Variants in UBE2E2 observed in about 807,000 individuals in gnomAD.
UBE2E2 encodes ubiquitin-conjugating enzyme E2 E2.
Under a neutral mutation model 24.7 loss-of-function variants are expected in UBE2E2, and 6 were observed. That is an observed-to-expected ratio of 0.24 (90% CI 0.13 to 0.48). UBE2E2 has a LOEUF of 0.48. UBE2E2 is among the 20% of genes least tolerant of loss of function. The pLI is 0.99. For synonymous variants in UBE2E2, 104 were observed against 83.6 expected, an observed-to-expected ratio of 1.24 and a Z score of -1.33; for missense variants, 169 against 245.0, an observed-to-expected ratio of 0.69 and a Z score of 2.07.
intron 3 of UBE2E2, among the ~76,000 whole-genome samples, chr3:23,362,327 T>C (rs1314525414): frequency 6.6e-6 from 1 of 152,126 alleles, no homozygotes; most frequent in Non-Finnish European, 1.5e-5. Flanking sequence ...CCCCCTGCGC[T>C]TATAGGCTGA....
intron 3 of UBE2E2, among the ~76,000 whole-genome samples, chr3:23,377,021 A>T (rs563293880): frequency 6.6e-6 from 1 of 152,200 alleles, no homozygotes; most frequent in African/African-American, 2.4e-5. Context: ...TCACAGCAAC[A>T]TAACAGGATT....
chr3:23,294,491 T>A (rs998140741), intron 3 of UBE2E2, among the ~76,000 whole-genome samples: 12 of 151,878 alleles, frequency 7.9e-5, no homozygotes, highest in Non-Finnish European at 1.6e-4. Context: ...AAGACGTGGC[T>A]CATCTGTTTC....
Position 23,549,760 on chromosome 3 carries a change from C to T in UBE2E2, c.508+17059C>T, listed in dbSNP as rs183902408. Reference sequence around the variant, plus strand: ...CTAAAAAAGGAATTTCAACCGGGCGCGGTGGCTCACACCTGTAATCCCGGC... The same window carrying T: ...CTAAAAAAGGAATTTCAACCGGGCGTGGTGGCTCACACCTGTAATCCCGGC... On this transcript the variant is annotated intron_variant, in intron 5 of 5. Coordinates refer to ENST00000396703, the MANE Select transcript of UBE2E2 (RefSeq NM_152653.4). Among the ~76,000 whole-genome samples the T allele has an allele frequency of 1.2e-3, 178 of 152,186 alleles. 3 individuals are homozygous for T. Among genetic ancestry groups the T allele is most frequent in the Non-Finnish European group, 1.5e-3 (102 of 68,012 alleles).
chr3:23,320,540 C>T (rs796623101), intron 3 of UBE2E2, among the ~76,000 whole-genome samples: 9 of 152,220 alleles, frequency 5.9e-5, no homozygotes, highest in African/African-American at 2.2e-4. Flanking sequence ...TCTACTTTGC[C>T]TCTATAGATT....
At chr3:23,567,775 A>G (rs1696111641) in intron 5 of UBE2E2, among the ~76,000 whole-genome samples, 1 of 152,226 alleles carries the variant, frequency 6.6e-6, no homozygotes, top group Non-Finnish European at 1.5e-5. Flanking sequence ...ACATGAATCC[A>G]TATATTAAAC....
rs565102179 is a variant in UBE2E2 at position 23,485,741 on chromosome 3, A to T, written c.228-13867A>T. On this transcript the variant is annotated intron_variant, in intron 3 of 5. Transcript: ENST00000396703. ...TTATAAACCAAGAATGGTGGGACTTATCAGGTCATTTGTGCATTTCTTTCA... is the reference window on the plus strand; with the variant it reads ...TTATAAACCAAGAATGGTGGGACTTTTCAGGTCATTTGTGCATTTCTTTCA... Among the ~76,000 whole-genome samples, 5 of 152,334 alleles carry T rather than the reference A, an allele frequency of 3.3e-5. No homozygotes were observed. In the East Asian group the frequency reaches 7.7e-4, roughly 23 times the overall value.
chr3:23,484,506 G>A (rs17013348), intron 3 of UBE2E2, among the ~76,000 whole-genome samples: 4,394 of 152,098 alleles, frequency 0.029, 106 homozygotes, highest in East Asian at 0.13. Flanking sequence ...GAACAAATAC[G>A]TCTTACCTTC....
At chr3:23,355,748 T>C (rs776701330) in intron 3 of UBE2E2, among the ~76,000 whole-genome samples, 7 of 152,210 alleles carry the variant, frequency 4.6e-5, no homozygotes, top group Admixed American at 1.3e-4. Context: ...AAAACCTGTA[T>C]TGCATGAGCA....
At chr3:23,285,911 G>A (rs567796822) in intron 3 of UBE2E2, among the ~76,000 whole-genome samples, 4 of 152,204 alleles carry the variant, frequency 2.6e-5, no homozygotes, top group African/African-American at 9.6e-5. Context: ...AGGCCCAGCT[G>A]GTCTCAAATT....
chr3:23,203,863 C>T (rs1300804732), intron 1 of UBE2E2, among the ~76,000 whole-genome samples: 1 of 152,024 alleles, frequency 6.6e-6, no homozygotes, highest in Non-Finnish European at 1.5e-5. Context: ...TGATCTTTTG[C>T]TATTTTCCCT....
Position 23,257,906 on chromosome 3 carries a change from T to G in UBE2E2, c.227+40594T>G, listed in dbSNP as rs144889972. Among the ~76,000 whole-genome samples, 3 of 152,228 alleles carry G rather than the reference T, an allele frequency of 2.0e-5. No individual in the cohort carries two copies. In the East Asian group the frequency reaches 5.8e-4, roughly 29 times the overall value. On this transcript the variant is annotated intron_variant, in intron 3 of 5. Coordinates refer to ENST00000396703, the MANE Select transcript of UBE2E2 (RefSeq NM_152653.4). ...AATTCCTTATTTTCTGTATTTTTGCTTTTCTTTCATTTAGATCTCTTTCGT... is the reference window on the plus strand; with the variant it reads ...AATTCCTTATTTTCTGTATTTTTGCGTTTCTTTCATTTAGATCTCTTTCGT...
intron 3 of UBE2E2, among the ~76,000 whole-genome samples, chr3:23,353,819 ATT>A (rs145886884): frequency 0.29 from 43,354 of 151,746 alleles, 6,332 homozygotes; most frequent in East Asian, 0.35. Context: ...GTCCAAGGTA[ATT>A]TATAGATTCA....
intron 3 of UBE2E2, among the ~76,000 whole-genome samples, chr3:23,345,135 CTT>C (rs1695513690): frequency 6.6e-6 from 1 of 152,162 alleles, no homozygotes; most frequent in Non-Finnish European, 1.5e-5. Flanking sequence ...ATTGTGATGA[CTT>C]TGAATTTGTA....
chr3:23,319,701 G>T (rs1694690534), intron 3 of UBE2E2, among the ~76,000 whole-genome samples: 1 of 142,436 alleles, frequency 7.0e-6, no homozygotes, highest in African/African-American at 2.5e-5. Flanking sequence ...TATAGTCCTA[G>T]CTACTTTTGA....
intron 3 of UBE2E2, among the ~76,000 whole-genome samples, chr3:23,487,486 C>A (rs778517): frequency 0.24 from 36,336 of 152,132 alleles, 4,591 homozygotes; most frequent in African/African-American, 0.33. Flanking sequence ...GTGCCTCCCC[C>A]ACTGTGGCCA....
chr3:23,522,502 A>T (rs548881264), intron 4 of UBE2E2, among the ~76,000 whole-genome samples: 171 of 152,220 alleles, frequency 1.1e-3, no homozygotes, highest in African/African-American at 4.0e-3. Context: ...TTTTTTAAAG[A>T]CTTGTTAAAA....
chr3:23,545,627 G>C (rs754073467), intron 5 of UBE2E2, among the ~76,000 whole-genome samples: 1 of 152,072 alleles, frequency 6.6e-6, no homozygotes, highest in South Asian at 2.1e-4. Flanking sequence ...TTCCCCACAA[G>C]ATCTACCATT....
intron 3 of UBE2E2, among the ~76,000 whole-genome samples, chr3:23,394,631 G>A (rs571483120): frequency 7.2e-5 from 11 of 152,286 alleles, no homozygotes; most frequent in Admixed American, 3.9e-4. Flanking sequence ...TGTCCCTACC[G>A]TTAATCCTCA....
chr3:23,440,536 G>C (rs952420930), intron 3 of UBE2E2, among the ~76,000 whole-genome samples: 10 of 152,162 alleles, frequency 6.6e-5, no homozygotes, highest in Admixed American at 5.9e-4. Flanking sequence ...AAATCTTTCA[G>C]CAACAAAAGA....
Sources: allele counts gnomAD v4.1 joint callset (sites outside exome capture counted in the v4.1 genomes callset), GRCh38; gene constraint gnomAD v4.1.1; transcripts MANE v1.5; gene names NCBI Gene and HGNC (gene_info 2026-07-23, HGNC 2026-07-21).